RNF213: variants seen among roughly 807,000 people sequenced by gnomAD.
RNF213 encodes ring finger protein 213.
A neutral mutation model predicts 514.4 loss-of-function variants in RNF213; 341 were observed. The ratio of observed to expected loss-of-function variants is 0.66; its 90% confidence interval spans 0.61 to 0.73. The LOEUF (loss-of-function observed/expected upper bound fraction) is 0.73, where lower values mean the gene tolerates loss of function less well. Ranked by LOEUF, RNF213 falls within the 30% of genes least tolerant of loss-of-function variation. The pLI, the probability that RNF213 is intolerant of heterozygous loss-of-function variation, is 0.00. For missense variants in RNF213, 5,767 were observed against 6,615.6 expected, an observed-to-expected ratio of 0.87 and a Z score of 4.45; for synonymous variants, 2,655 against 2,658.2, an observed-to-expected ratio of 1.00 and a Z score of 0.04.
intron 67 of RNF213, among the ~76,000 whole-genome samples, chr17:80,392,888 C>T (rs529285798): frequency 3.4e-4 from 52 of 152,182 alleles, no homozygotes; most frequent in Admixed American, 3.3e-3. Context: ...CTGCGCCTGG[C>T]CTAGGATTTT....
At chr17:80,320,510 A>G (rs966664498) in intron 17 of RNF213, 1 of 152,080 alleles carries the variant, frequency 6.6e-6, no homozygotes, top group Non-Finnish European at 1.5e-5. Flanking sequence ...TTTTGTTTAA[A>G]GAGTCTTTTA....
intron 23 of RNF213, chr17:80,336,611 G>A (rs906949023): frequency 3.5e-5 from 20 of 564,964 alleles, no homozygotes; most frequent in Admixed American, 1.5e-4. Flanking sequence ...CAAAACACAC[G>A]TGGAAAAAAG....
Position 80,381,543 on chromosome 17 carries a change from A to G in RNF213, c.13798-4A>G. Reference sequence around the variant, plus strand: ...CTGAACACTCTGTTCCGTTGCCCCCACAGGCTCTGATAAACATCATTAAGC... The same window carrying G: ...CTGAACACTCTGTTCCGTTGCCCCCGCAGGCTCTGATAAACATCATTAAGC... On this transcript the variant is annotated splice_polypyrimidine_tract_variant and splice_region_variant and intron_variant, in intron 56 of 67. Coordinates refer to ENST00000582970, the MANE Select transcript of RNF213 (RefSeq NM_001256071.3). 3 of 1,614,070 alleles carry G rather than the reference A, an allele frequency of 1.9e-6. No individual in the cohort carries two copies. The highest frequency in any genetic ancestry group is 1.7e-4 in the Middle Eastern group (1 of 6,060).
At chr17:80,285,484 C>T (rs1033414680) in intron 3 of RNF213, among the ~76,000 whole-genome samples, 5 of 152,190 alleles carry the variant, frequency 3.3e-5, no homozygotes, top group Non-Finnish European at 5.9e-5. Flanking sequence ...ACACTGAGGA[C>T]GATGGGTGCC....
chr17:80,382,064 C>T (rs541858298), intron 57 of RNF213: 7 of 345,880 alleles, frequency 2.0e-5, no homozygotes, highest in South Asian at 2.6e-5. Flanking sequence ...AAGTCAGCCC[C>T]GTAGGTCATT....
Position 80,363,759 on chromosome 17 carries a change from A to T in RNF213, c.11719A>T (p.Ser3907Cys). 6.2e-7 allele frequency: 1 copy of T among 1,613,616 alleles called. No individual in the cohort carries two copies. Among genetic ancestry groups the T allele is most frequent in the Non-Finnish European group, 8.5e-7 (1 of 1,180,008 alleles). ...CSDEHMQGSG[S>C]LAQAVIREVR... ...CGATGAGCACATGCAAGGCAGCGGG[A>T]GCCTGGCCCAGGCTGTCATCAGGGA... is the stretch of plus-strand genomic sequence containing the variant. Residue 3907 changes from serine (S) to cysteine (C), a missense_variant, in exon 41 of 68, where the codon AGC becomes TGC. Coordinates refer to ENST00000582970, the MANE Select transcript of RNF213 (RefSeq NM_001256071.3).
intron 67 of RNF213, among the ~76,000 whole-genome samples, chr17:80,392,272 C>G (rs1007121675): frequency 2.0e-5 from 3 of 152,204 alleles, no homozygotes; most frequent in African/African-American, 7.2e-5. Flanking sequence ...ACTTTTTCAA[C>G]AAGTCTTTAC....
At chr17:80,274,695 G>T (rs868003673) in intron 3 of RNF213, among the ~76,000 whole-genome samples, 1 of 2,658 alleles carries the variant, frequency 3.8e-4, no homozygotes, top group Admixed American at 2.8e-3. Flanking sequence ...GGGGTGTCTG[G>T]GGGGGGTGAG....
At chr17:80,318,669 G>A (rs1454490559) in intron 16 of RNF213, among the ~76,000 whole-genome samples, 1 of 152,140 alleles carries the variant, frequency 6.6e-6, no homozygotes, top group Non-Finnish European at 1.5e-5. Context: ...CGCCTCCCGG[G>A]TTCACGCCAT....
intron 55 of RNF213, among the ~76,000 whole-genome samples, chr17:80,380,578 T>G (rs1338114616): frequency 6.6e-6 from 1 of 152,160 alleles, no homozygotes; most frequent in African/African-American, 2.4e-5. Context: ...CTTAACACCC[T>G]GCCCGGGGAT....
chr17:80,328,096 C>T, intron 19 of RNF213, 107 bp downstream of exon 19: 2 of 1,318,450 alleles, frequency 1.5e-6, no homozygotes, highest in East Asian at 5.1e-5. Context: ...TCATCTTAGC[C>T]TTGATAATGA....
intron 29 of RNF213, among the ~76,000 whole-genome samples, chr17:80,349,259 C>T (rs966732300): frequency 2.0e-5 from 3 of 152,132 alleles, no homozygotes; most frequent in African/African-American, 7.2e-5. Flanking sequence ...TGCAGCTGGA[C>T]GTAGGAATCT....
At chr17:80,337,358 AG>A (rs1298999760) in intron 23 of RNF213, among the ~76,000 whole-genome samples, 1 of 152,226 alleles carries the variant, frequency 6.6e-6, no homozygotes. Context: ...CAGGCACTGG[AG>A]GAAACGTGGA....
chr17:80,376,176 C>T, intron 51 of RNF213, 125 bp from the exon 52 acceptor site: 1 of 1,184,372 alleles, frequency 8.4e-7, no homozygotes, highest in Non-Finnish European at 1.2e-6. Context: ...ATTTCCCCCT[C>T]AAATGGTGGT....
chr17:80,263,565 C>G lies in RNF213; in HGVS notation c.-108-9C>G. ...GACCAGCTGGGCTGCTGTGATTTCA[C>G]TTTCGCAGAAAATGAAACTGAAGCC... On this transcript the variant is annotated splice_polypyrimidine_tract_variant and intron_variant, in intron 1 of 67. Coordinates refer to ENST00000582970, the MANE Select transcript of RNF213 (RefSeq NM_001256071.3). This position sits in a 1 kb window ranked among gnomAD's most constrained non-coding sequence, Gnocchi z 4.9. 2.2e-6 allele frequency: 2 copies of G among 896,664 alleles called. No individual in the cohort carries two copies. The highest frequency in any genetic ancestry group is 1.3e-5 in the South Asian group (1 of 74,956). 55.5% of individuals were successfully genotyped at this position (896,664 alleles called of 1,614,324 possible).
chr17:80,327,549 T>G (rs1219711844), intron 18 of RNF213, among the ~76,000 whole-genome samples: 1 of 151,682 alleles, frequency 6.6e-6, no homozygotes, highest in Non-Finnish European at 1.5e-5. Flanking sequence ...CTGAGAAATG[T>G]GTCTCCCAGC....
intron 16 of RNF213, 101 bp from the exon 17 acceptor site, chr17:80,319,089 A>G (rs1186329585): frequency 1.2e-6 from 2 of 1,608,714 alleles, no homozygotes; most frequent in East Asian, 4.5e-5. Context: ...GGAAACAGTA[A>G]AACAGCAGGA....
chr17:80,319,702 T>C, intron 17 of RNF213: 1 of 1,428,420 alleles, frequency 7.0e-7, no homozygotes, highest in African/African-American at 1.4e-5. Flanking sequence ...ACAGAACATT[T>C]ATGGAAGCAA....
At chr17:80,373,703 G>T (rs1035133508) in intron 49 of RNF213, among the ~76,000 whole-genome samples, 1 of 152,144 alleles carries the variant, frequency 6.6e-6, no homozygotes, top group Non-Finnish European at 1.5e-5. Flanking sequence ...TGCAGAAGAG[G>T]CTTCAAGGCC....
Sources: allele counts gnomAD v4.1 joint callset (sites outside exome capture counted in the v4.1 genomes callset), GRCh38; gene constraint gnomAD v4.1.1; non-coding constraint Gnocchi (gnomAD v3.1); transcripts MANE v1.5; gene names NCBI Gene and HGNC (gene_info 2026-07-23, HGNC 2026-07-21).